WWP2: variants seen among roughly 807,000 people sequenced by gnomAD.
WWP2 encodes NEDD4-like E3 ubiquitin-protein ligase WWP2.
In WWP2, 57 loss-of-function variants were observed where a neutral mutation model predicts 121.0. That is an observed-to-expected ratio of 0.47 (90% CI 0.38 to 0.59). The LOEUF (loss-of-function observed/expected upper bound fraction) is 0.59. WWP2 is among the 20% of genes least tolerant of loss of function. The probability of loss-of-function intolerance (pLI) is 0.00; values close to 1 mark genes in which losing one functional copy is unlikely to be tolerated. For synonymous variants in WWP2, 449 were observed against 441.3 expected (o/e 1.02, Z -0.22); for missense variants, 962 against 1,158.9 (o/e 0.83, Z 2.47).
At chr16:69,909,780 GA>G (rs1397772064) in intron 9 of WWP2, 43 of 856,120 alleles carry the variant, frequency 5.0e-5, no homozygotes, top group Non-Finnish European at 5.8e-5. Flanking sequence ...TATTATTATG[GA>G]AAATTTCAAA....
intron 7 of WWP2, among the ~76,000 whole-genome samples, chr16:69,880,375 C>T (rs1353463246): frequency 1.3e-5 from 2 of 151,780 alleles, no homozygotes; most frequent in African/African-American, 2.4e-5. Flanking sequence ...GATGTGTTAT[C>T]GTATTTTCTT....
intron 18 of WWP2, 76 bp downstream of exon 18, chr16:69,936,062 T>G (rs1289662121): frequency 3.2e-6 from 5 of 1,570,284 alleles, no homozygotes; most frequent in Non-Finnish European, 4.3e-6. Flanking sequence ...ACTGATGGCC[T>G]TTATTTTGTC....
intron 7 of WWP2, among the ~76,000 whole-genome samples, chr16:69,885,102 TACACACAC>T (rs3051438): frequency 1.1e-3 from 149 of 140,044 alleles, no homozygotes; most frequent in Middle Eastern, 3.6e-3. Context: ...AAACTCCTCC[TACACACAC>T]ACACACACAC....
intron 8 of WWP2, among the ~76,000 whole-genome samples, chr16:69,900,861 TAAAA>T: frequency 6.6e-6 from 1 of 152,170 alleles, no homozygotes; most frequent in South Asian, 2.1e-4. Context: ...TTGGTAAAGA[TAAAA>T]AAGATAAGAA....
intron 6 of WWP2, 94 bp downstream of exon 6, chr16:69,842,214 A>G: frequency 8.1e-7 from 1 of 1,241,868 alleles, no homozygotes; most frequent in South Asian, 1.4e-5. Flanking sequence ...TTATGGTAGA[A>G]ACTGTTGGAG....
intron 11 of WWP2, among the ~76,000 whole-genome samples, chr16:69,928,780 G>A (rs909121084): frequency 2.0e-5 from 3 of 152,188 alleles, no homozygotes; most frequent in African/African-American, 7.2e-5. Flanking sequence ...AGTCTAAGAA[G>A]AGGCTGGGCA....
At chr16:69,928,847 G>A (rs529932219) in intron 11 of WWP2, among the ~76,000 whole-genome samples, 2 of 152,322 alleles carry the variant, frequency 1.3e-5, no homozygotes, top group African/African-American at 2.4e-5. Context: ...AGAAAGAGGC[G>A]TGCCAGGGTA....
chr16:69,787,211 T>C, intron 2 of WWP2, 131 bp downstream of exon 2: 1 of 574,114 alleles, frequency 1.7e-6, no homozygotes, highest in African/African-American at 1.9e-5. Context: ...TCTCATGGGA[T>C]TGTCATCTTG....
At chr16:69,864,560 T>C (rs1416161248) in intron 6 of WWP2, among the ~76,000 whole-genome samples, 1 of 151,678 alleles carries the variant, frequency 6.6e-6, no homozygotes, top group African/African-American at 2.4e-5. Context: ...CCATTCTTTT[T>C]GTTGTGGGAG....
In WWP2 at chr16:69,836,535, G is replaced by A. The variant is rs57845663; in HGVS notation, c.341-3591G>A. ...AGCCAGAGGTCTCAAATAGAACAGA[G>A]GAGGGTTATGTTCTCAAAAGTTTAG... On this transcript the variant is annotated intron_variant, in intron 4 of 23. Coordinates refer to ENST00000359154, the MANE Select transcript of WWP2 (RefSeq NM_001270454.2). Among the ~76,000 whole-genome samples the A allele has an allele frequency of 5.3e-5, 8 of 152,198 alleles. No homozygotes were observed. In the East Asian group the frequency reaches 1.5e-3, roughly 29 times the overall value.
At chr16:69,817,962 A>T (rs896688804) in intron 4 of WWP2, among the ~76,000 whole-genome samples, 2 of 151,700 alleles carry the variant, frequency 1.3e-5, no homozygotes, top group African/African-American at 2.4e-5. Context: ...CCAGGCATGC[A>T]GTCGCTGGGT....
At chr16:69,778,947 T>C (rs1597651558) in intron 1 of WWP2, among the ~76,000 whole-genome samples, 2 of 2,866 alleles carry the variant, frequency 7.0e-4, no homozygotes, top group East Asian at 8.0e-3. Flanking sequence ...GGCCGGTTAT[T>C]TATTTATTTA....
chr16:69,856,303 G>T (rs759476857), intron 6 of WWP2, among the ~76,000 whole-genome samples: 13 of 152,096 alleles, frequency 8.5e-5, no homozygotes, highest in Non-Finnish European at 1.6e-4. Context: ...GGGCATTGGA[G>T]GAGGGATTGA....
intron 6 of WWP2, among the ~76,000 whole-genome samples, chr16:69,846,647 CGAGGTGGAGGTTGCAGT>C (rs2057085469): frequency 6.6e-6 from 1 of 151,188 alleles, no homozygotes; most frequent in Non-Finnish European, 1.5e-5. Context: ...CTTGAACCCC[CGAGGTGGAGGTTGCAGT>C]GAGCCGAGAT....
chr16:69,785,491 C>A (rs1597662021), intron 1 of WWP2, among the ~76,000 whole-genome samples: 1 of 151,990 alleles, frequency 6.6e-6, no homozygotes, highest in East Asian at 1.9e-4. Context: ...ACTCAATGAA[C>A]CAATATTTTT....
In WWP2 at chr16:69,935,673, G is replaced by A. The variant is rs1362032132; in HGVS notation, c.1843-180G>A. Among the ~76,000 whole-genome samples, 1 of 152,224 alleles carries A rather than the reference G, an allele frequency of 6.6e-6. No individual in the cohort carries two copies. Among genetic ancestry groups the A allele is most frequent in the Non-Finnish European group, 1.5e-5 (1 of 68,050 alleles). Reference sequence around the variant, plus strand: ...GGAGTCCCTCTGTAGGTACAAGTCAGGATAAAGGCGTTGTTTACTCCTGAG... The same window carrying A: ...GGAGTCCCTCTGTAGGTACAAGTCAAGATAAAGGCGTTGTTTACTCCTGAG... On this transcript the variant is annotated intron_variant, in intron 17 of 23. Coordinates refer to ENST00000359154, the MANE Select transcript of WWP2 (RefSeq NM_001270454.2). The surrounding 1 kb of genome is among the most constrained non-coding windows in gnomAD (Gnocchi z 5.2).
chr16:69,932,738 C>T lies in WWP2; in HGVS notation c.1682+848C>T, dbSNP rs987177198. ...ATGCCTGGGGTCAGTAAAACTGTAA[C>T]GGCTTATGTCACCCTAAAAAGAGTC... is the stretch of plus-strand genomic sequence containing the variant. On this transcript the variant is annotated intron_variant, in intron 16 of 23. Transcript: ENST00000359154. Among the ~76,000 whole-genome samples, 44 of 152,196 alleles carry T rather than the reference C, an allele frequency of 2.9e-4. 1 individual carries two copies. Among genetic ancestry groups the T allele is most frequent in the Admixed American group, 2.4e-3 (36 of 15,284 alleles).
rs572754647 is a variant in WWP2, at chr16:69,827,853, C to A, written c.341-12273C>A. ...TAATGATGTGAACTGATAATTTATT[C>A]TAAAGACTTAACCTTCCCAGATCTG... On this transcript the variant is annotated intron_variant, in intron 4 of 23. Transcript: ENST00000359154. 4.0e-5 allele frequency: 18 copies of A among 454,534 alleles called. No individual in the cohort carries two copies. The East Asian group carries it at 1.1e-3, about 28-fold the overall frequency. 28.2% of individuals were successfully genotyped at this position (454,534 alleles called of 1,614,324 possible). A position where few individuals can be genotyped will look rare whatever the true frequency, so the allele number is the denominator to read the frequency against.
chr16:69,836,788 G>A (rs560438690), intron 4 of WWP2, among the ~76,000 whole-genome samples: 9 of 152,094 alleles, frequency 5.9e-5, no homozygotes, highest in African/African-American at 1.7e-4. Flanking sequence ...GTGATTTTTT[G>A]TATTTTTAAT....
Sources: allele counts gnomAD v4.1 joint callset (sites outside exome capture counted in the v4.1 genomes callset), GRCh38; gene constraint gnomAD v4.1.1; non-coding constraint Gnocchi (gnomAD v3.1); transcripts MANE v1.5; gene names NCBI Gene and HGNC (gene_info 2026-07-23, HGNC 2026-07-21).